The following DNAH7 variants were observed in gnomAD, a reference collection of about 807,000 sequenced individuals.
DNAH7 encodes the protein dynein axonemal heavy chain 7, also known as axonemal beta dynein heavy chain 7.
A neutral mutation model predicts 444.6 loss-of-function variants in DNAH7; 397 were observed. The ratio of observed to expected loss-of-function variants is 0.89; its 90% CI spans 0.82 to 0.97. DNAH7 has a LOEUF of 0.97. Among genes scored for constraint, DNAH7 ranks in the 50% least tolerant of loss-of-function variants. DNAH7 has a pLI of 0.00. For synonymous variants in DNAH7, 1,636 were observed against 1,624.4 expected (o/e 1.01, Z -0.17); for missense variants, 4,902 against 4,800.8 (o/e 1.02, Z -0.62).
rs181023037 is a variant in DNAH7, at chr2:195,987,946, G to C, written c.1626+11C>G. On this transcript the variant is annotated intron_variant, in intron 13 of 64. Transcript: ENST00000312428. ...TAGAGATAACAGTTGCACAAAACTG[G>C]AGTCATTTACCTTTATGGATGTGTA... is the stretch of plus-strand genomic sequence containing the variant. 6.3e-7 allele frequency: 1 copy of C among 1,580,372 alleles called. No individual in the cohort carries two copies. The highest frequency in any genetic ancestry group is 8.6e-7 in the Non-Finnish European group (1 of 1,161,776).
chr2:195,745,055 C>A (rs949078054), intron 63 of DNAH7, among the ~76,000 whole-genome samples: 2 of 152,204 alleles, frequency 1.3e-5, no homozygotes, highest in African/African-American at 4.8e-5. Context: ...TCAAACTACA[C>A]TGAGCTACAG....
intron 46 of DNAH7, among the ~76,000 whole-genome samples, chr2:195,851,812 C>T (rs1321527741): frequency 2.6e-5 from 4 of 152,126 alleles, no homozygotes; most frequent in Non-Finnish European, 4.4e-5. Context: ...TCTGAACCAG[C>T]AGGGAAAGGT....
chr2:195,972,452 T>C lies in DNAH7; in HGVS notation c.1848A>G (p.Lys616=), dbSNP rs755078356. The part of the protein sequence containing the change: ...ELMEMKAYIQ[K]VEVTDMIELE... ...GTTCAATCATATCAGTTACCTCCAC[T>C]TTCTGAATGTAAGCCTGAGGGAAAA... Residue 616 remains lysine (K), a synonymous_variant, in exon 16 of 65, where the codon AAA becomes AAG. Transcript: ENST00000312428. 6.2e-7 allele frequency: 1 copy of C among 1,613,850 alleles called. No homozygotes were observed. Among genetic ancestry groups the C allele is most frequent in the Non-Finnish European group, 8.5e-7 (1 of 1,179,920 alleles).
intron 62 of DNAH7, among the ~76,000 whole-genome samples, chr2:195,754,876 TTAGA>T (rs1693996339): frequency 6.6e-6 from 1 of 152,212 alleles, no homozygotes; most frequent in African/African-American, 2.4e-5. Context: ...TTGTTGTCTT[TTAGA>T]TAAACTAACA....
At position 195,926,822 on chromosome 2, in the gene DNAH7, C is replaced by A. The variant is rs191065756; in HGVS notation, c.3472-256G>T. 3.9e-5 allele frequency among the ~76,000 whole-genome samples: 6 copies of A among 152,104 alleles called. No individual in the cohort carries two copies. In the East Asian group the frequency reaches 1.2e-3, roughly 29 times the overall value. On this transcript the variant is annotated intron_variant, in intron 21 of 64. Coordinates refer to ENST00000312428, the MANE Select transcript of DNAH7 (RefSeq NM_018897.3). ...TCAATTTGTGTGAACCACATGGTAT[C>A]AAATATTCATTTGAATAATTTTAGC...
At chr2:195,917,823 TTTTG>T (rs769255330) in intron 24 of DNAH7, among the ~76,000 whole-genome samples, 8 of 152,284 alleles carry the variant, frequency 5.3e-5, no homozygotes, top group African/African-American at 1.9e-4. Context: ...CTTGACCATT[TTTTG>T]TTTGTTTGTT....
At chr2:196,003,266 G>A (rs1032684602) in intron 10 of DNAH7, among the ~76,000 whole-genome samples, 15 of 151,564 alleles carry the variant, frequency 9.9e-5, no homozygotes, top group African/African-American at 3.4e-4. Context: ...AGGGTTATCA[G>A]ATCATTTCAG....
chr2:195,916,871 G>A (rs576987735), intron 24 of DNAH7, among the ~76,000 whole-genome samples: 17 of 151,786 alleles, frequency 1.1e-4, no homozygotes, highest in African/African-American at 3.6e-4. Flanking sequence ...AGGTGGAGGC[G>A]GGCGGATCAC....
chr2:195,860,480 G>A (rs1347812213), intron 42 of DNAH7, among the ~76,000 whole-genome samples: 6 of 151,926 alleles, frequency 3.9e-5, no homozygotes, highest in East Asian at 1.9e-4. Context: ...GGGCACTGCC[G>A]ATTTCACTAG....
intron 12 of DNAH7, among the ~76,000 whole-genome samples, chr2:195,992,350 A>G (rs1693397811): frequency 6.6e-6 from 1 of 152,204 alleles, no homozygotes; most frequent in Non-Finnish European, 1.5e-5. Context: ...CTGAAGAAGA[A>G]AAAGGCAGAT....
intron 49 of DNAH7, among the ~76,000 whole-genome samples, chr2:195,821,346 A>G (rs1490889829): frequency 2.0e-5 from 3 of 152,108 alleles, no homozygotes; most frequent in Admixed American, 1.3e-4. Flanking sequence ...TGTTCTCTCT[A>G]CTTTTGGTTT....
intron 49 of DNAH7, among the ~76,000 whole-genome samples, chr2:195,822,132 A>G (rs1697504052): frequency 6.6e-6 from 1 of 152,224 alleles, no homozygotes; most frequent in South Asian, 2.1e-4. Context: ...AACTCATTAA[A>G]TGTTATGTAA....
rs752570587 is a variant in DNAH7, at chr2:196,051,162, A to G, written c.141+25T>C. The stretch of plus-strand genomic sequence containing the variant: ...ACATTTTTTGAAGCACAAAAATTCA[A>G]TGAGAATATATTTGGATAAGTTACC... On this transcript the variant is annotated intron_variant, in intron 3 of 64. Transcript: ENST00000312428. The G allele has an allele frequency of 2.5e-5, 40 of 1,596,392 alleles. No homozygotes were observed. The East Asian group carries it at 8.1e-4, about 32-fold the overall frequency.
chr2:195,844,325 A>G (rs904596568), intron 47 of DNAH7, among the ~76,000 whole-genome samples: 1 of 152,146 alleles, frequency 6.6e-6, no homozygotes, highest in African/African-American at 2.4e-5. Flanking sequence ...TATCGTTAAC[A>G]TGCTAAAACT....
chr2:195,755,149 G>C (rs561951165), intron 62 of DNAH7, among the ~76,000 whole-genome samples: 1 of 152,174 alleles, frequency 6.6e-6, no homozygotes, highest in Non-Finnish European at 1.5e-5. Context: ...TCCCCATAAA[G>C]TCTGGTCAGA....
At chr2:195,955,395 G>A (rs949148256) in intron 19 of DNAH7, among the ~76,000 whole-genome samples, 1 of 151,968 alleles carries the variant, frequency 6.6e-6, no homozygotes, top group Admixed American at 6.6e-5. Context: ...TCTCTGTTTT[G>A]GTACCAGTAC....
chr2:195,873,582 C>T lies in DNAH7; in HGVS notation c.6399G>A (p.Trp2133Ter). Residue 2133 changes from tryptophan (W) to a stop codon, truncating the protein, a stop_gained, in exon 39 of 65, where the codon TGG becomes TGA. Transcript: ENST00000312428. LOFTEE classifies it high-confidence loss of function. ...TGATTACTTACCAGATTTCTAAATGCCAAGTTAAGATTCTAGAGAAGATTG... is the reference window on the plus strand; with the variant it reads ...TGATTACTTACCAGATTTCTAAATGTCAAGTTAAGATTCTAGAGAAGATTG... ...MYTIFSRILTWHLEICYKFPD... is the reference protein window; with the variant it reads ...MYTIFSRILT 1 of 1,372,832 alleles carries T rather than the reference C, an allele frequency of 7.3e-7. No individual in the cohort carries two copies. The highest frequency in any genetic ancestry group is 9.6e-7 in the Non-Finnish European group (1 of 1,043,110). The allele number at this position is 1,372,832 out of a possible 1,614,324, so 85.0% of individuals were successfully genotyped here.
chr2:196,034,825 C>T (rs1696282863), intron 5 of DNAH7, among the ~76,000 whole-genome samples: 1 of 152,174 alleles, frequency 6.6e-6, no homozygotes, highest in Non-Finnish European at 1.5e-5. Flanking sequence ...CCGTACCTTA[C>T]ACCATAGACA....
In DNAH7 at chr2:195,897,654, T is replaced by C; in HGVS notation, c.4647+13A>G. 6.8e-7 allele frequency: 1 copy of C among 1,471,368 alleles called. No homozygotes were observed. The allele number at this position is 1,471,368 out of a possible 1,614,324, so 91.1% of individuals were successfully genotyped here. A position where few individuals can be genotyped will look rare whatever the true frequency, so the allele number is the denominator to read the frequency against. ...TAAGAGTTTTGATGCATTGGGATAA[T>C]GAATGTTCTTACCTCAAAGAGTGGT... On this transcript the variant is annotated intron_variant, in intron 29 of 64. Coordinates refer to ENST00000312428, the MANE Select transcript of DNAH7 (RefSeq NM_018897.3).
Sources: allele counts gnomAD v4.1 joint callset (sites outside exome capture counted in the v4.1 genomes callset), GRCh38; gene constraint gnomAD v4.1.1; transcripts MANE v1.5; gene names NCBI Gene and HGNC (gene_info 2026-07-23, HGNC 2026-07-21).